HS2ST1: variants seen among roughly 807,000 people sequenced by gnomAD.
HS2ST1 encodes 2-O-sulfotransferase.
A neutral mutation model predicts 42.9 loss-of-function variants in HS2ST1; 18 were observed. That is an observed-to-expected ratio of 0.42 (90% confidence interval 0.29 to 0.62). The LOEUF is 0.62. Ranked by LOEUF, HS2ST1 falls within the 20% of genes least tolerant of loss-of-function variation. HS2ST1 has a pLI of 0.21. For synonymous variants in HS2ST1, 146 were observed against 152.9 expected, an observed-to-expected ratio of 0.95 and a Z score of 0.33; for missense variants, 334 against 433.8, an observed-to-expected ratio of 0.77 and a Z score of 2.04.
intron 1 of HS2ST1, among the ~76,000 whole-genome samples, chr1:86,958,253 C>G (rs926482407): frequency 1.2e-4 from 18 of 152,222 alleles, no homozygotes; most frequent in Admixed American, 6.5e-5. Context: ...TCACCGATAA[C>G]ATTAACAGCC....
At chr1:87,018,019 T>C (rs1014556593) in intron 1 of HS2ST1, among the ~76,000 whole-genome samples, 1 of 152,152 alleles carries the variant, frequency 6.6e-6, no homozygotes, top group African/African-American at 2.4e-5. Flanking sequence ...TTGGCTTACA[T>C]CTTTATTTTC....
At chr1:87,034,148 A>G (rs1373706453) in intron 1 of HS2ST1, among the ~76,000 whole-genome samples, 1 of 152,254 alleles carries the variant, frequency 6.6e-6, no homozygotes, top group Non-Finnish European at 1.5e-5. Flanking sequence ...AAAGTGTCAA[A>G]ACAAAAATAG....
rs1181809498 is a variant in HS2ST1 at position 87,108,094 on chromosome 1, A to G, written c.*3398A>G. 1.3e-5 allele frequency: 2 copies of G among 152,108 alleles called. No homozygotes were observed. Among genetic ancestry groups the G allele is most frequent in the Non-Finnish European group, 2.9e-5 (2 of 67,958 alleles). 9.4% of individuals were successfully genotyped at this position (152,108 alleles called of 1,614,324 possible). The stretch of plus-strand genomic sequence containing the variant: ...CGTTGGTGCCATCAGTGATTTACAA[A>G]CAATATTTTGATATTGCAGATGACT... On this transcript the variant is annotated 3_prime_UTR_variant, in exon 7 of 7. Coordinates refer to ENST00000370550, the MANE Select transcript of HS2ST1 (RefSeq NM_012262.4).
intron 1 of HS2ST1, among the ~76,000 whole-genome samples, chr1:87,004,722 C>G (rs1199593243): frequency 6.6e-6 from 1 of 152,098 alleles, no homozygotes; most frequent in Non-Finnish European, 1.5e-5. Context: ...ATTCACAGTG[C>G]ACTCATGGTG....
At chr1:86,946,932 A>G (rs908611373) in intron 1 of HS2ST1, among the ~76,000 whole-genome samples, 1 of 152,200 alleles carries the variant, frequency 6.6e-6, no homozygotes, top group Non-Finnish European at 1.5e-5. Flanking sequence ...CTCCTTGTCA[A>G]GAATTGTGAA....
At chr1:87,000,020 A>G (rs1266575155) in intron 1 of HS2ST1, among the ~76,000 whole-genome samples, 1 of 152,200 alleles carries the variant, frequency 6.6e-6, no homozygotes, top group Non-Finnish European at 1.5e-5. Flanking sequence ...TGTTGGTTGA[A>G]TGTAAACATT....
intron 1 of HS2ST1, among the ~76,000 whole-genome samples, chr1:87,028,257 G>A (rs1650138774): frequency 6.6e-6 from 1 of 152,220 alleles, no homozygotes; most frequent in East Asian, 1.9e-4. Context: ...TTTCTAAACT[G>A]TGTGCCAAGA....
chr1:86,930,188 T>C (rs1474862301), intron 1 of HS2ST1, among the ~76,000 whole-genome samples: 2 of 151,872 alleles, frequency 1.3e-5, no homozygotes, highest in African/African-American at 4.8e-5. Flanking sequence ...CATGTAGCTG[T>C]TGTGTACAAT....
At chr1:87,023,659 A>G (rs1650007733) in intron 1 of HS2ST1, among the ~76,000 whole-genome samples, 1 of 152,196 alleles carries the variant, frequency 6.6e-6, no homozygotes, top group South Asian at 2.1e-4. Context: ...AACAGGTAGC[A>G]TAGTGCCTAG....
chr1:87,094,408 T>C (rs1652015937), intron 4 of HS2ST1, among the ~76,000 whole-genome samples: 1 of 152,102 alleles, frequency 6.6e-6, no homozygotes, highest in Non-Finnish European at 1.5e-5. Flanking sequence ...TTTTAAGTTA[T>C]TTTATATGTA....
chr1:87,046,303 G>C (rs894840923), intron 1 of HS2ST1: 7 of 729,994 alleles, frequency 9.6e-6, no homozygotes, highest in South Asian at 1.3e-5. Context: ...TCTCCTGACT[G>C]TACAATTTGT....
At chr1:87,063,394 T>C (rs909750041) in intron 1 of HS2ST1, among the ~76,000 whole-genome samples, 3 of 152,184 alleles carry the variant, frequency 2.0e-5, no homozygotes, top group African/African-American at 7.2e-5. Context: ...TGGAGTGCAA[T>C]GGCGTGACTT....
At chr1:87,049,920 ACT>A (rs1650790871) in intron 1 of HS2ST1, among the ~76,000 whole-genome samples, 1 of 151,316 alleles carries the variant, frequency 6.6e-6, no homozygotes, top group Non-Finnish European at 1.5e-5. Context: ...TGTTTTTAAA[ACT>A]CTCTTATAAA....
intron 1 of HS2ST1, among the ~76,000 whole-genome samples, chr1:87,013,897 C>T (rs769775233): frequency 1.3e-5 from 2 of 152,174 alleles, no homozygotes; most frequent in African/African-American, 4.8e-5. Flanking sequence ...CACAATGCCA[C>T]CAGTTTCTTT....
At chr1:87,013,275 T>G (rs1355366355) in intron 1 of HS2ST1, among the ~76,000 whole-genome samples, 1 of 152,164 alleles carries the variant, frequency 6.6e-6, no homozygotes, top group East Asian at 1.9e-4. Flanking sequence ...CCATACAACC[T>G]CTGAAATCTA....
At chr1:87,058,706 A>G (rs1289775965) in intron 1 of HS2ST1, among the ~76,000 whole-genome samples, 2 of 151,682 alleles carry the variant, frequency 1.3e-5, no homozygotes, top group East Asian at 3.8e-4. Flanking sequence ...CTCTGAGTCT[A>G]AATTCCGTAA....
At chr1:87,086,417 T>C (rs1390534173) in intron 3 of HS2ST1, among the ~76,000 whole-genome samples, 1 of 152,240 alleles carries the variant, frequency 6.6e-6, no homozygotes. Context: ...AATTGTGCTT[T>C]ACTCTTCAAA....
At chr1:86,985,137 C>T (rs1570464357) in intron 1 of HS2ST1, among the ~76,000 whole-genome samples, 1 of 150,570 alleles carries the variant, frequency 6.6e-6, no homozygotes, top group African/African-American at 2.4e-5. Flanking sequence ...GGGCGGATCA[C>T]GAGGTCAGGA....
At chr1:87,101,148 TGTTTTTTG>T (rs1652189411) in intron 5 of HS2ST1, among the ~76,000 whole-genome samples, 4 of 99,892 alleles carry the variant, frequency 4.0e-5, no homozygotes, top group African/African-American at 1.6e-4. Context: ...TGTGTGTGTG[TGTTTTTTG>T]TTTTTTTTTT....
Sources: gnomAD v4.1 joint callset for allele counts (sites outside exome capture counted in the v4.1 genomes callset) on GRCh38, gnomAD v4.1.1 for gene constraint, MANE v1.5 for transcripts, NCBI Gene and HGNC (gene_info 2026-07-23, HGNC 2026-07-21) for gene names.